Variants in NEMF observed in about 807,000 individuals in gnomAD.
The protein encoded by NEMF is nuclear export mediator factor.
In NEMF, 89 loss-of-function variants were observed where a neutral mutation model predicts 162.2. That is an observed-to-expected ratio of 0.55 (90% CI 0.46 to 0.65). The LOEUF is 0.65. NEMF is among the 30% of genes least tolerant of loss of function. The probability of loss-of-function intolerance (pLI) is 0.00; values close to 1 mark genes in which losing one functional copy is unlikely to be tolerated. For missense variants in NEMF, 1,133 were observed against 1,261.9 expected (o/e 0.90, Z 1.55); for synonymous variants, 421 against 404.5 (o/e 1.04, Z -0.49).
At chr14:49,817,596 G>GT (rs1891780793) in intron 16 of NEMF, among the ~76,000 whole-genome samples, 2 of 152,106 alleles carry the variant, frequency 1.3e-5, no homozygotes, top group South Asian at 4.1e-4. Flanking sequence ...TTAGGAAGAC[G>GT]TAACAGTTAT....
chr14:49,808,346 A>AT (rs1891318382), intron 18 of NEMF, among the ~76,000 whole-genome samples: 1 of 151,550 alleles, frequency 6.6e-6, no homozygotes, highest in Admixed American at 6.6e-5. Flanking sequence ...CTAATTTTTC[A>AT]TATTTTTTAG....
At chr14:49,819,916 G>T (rs1265987015) in intron 16 of NEMF, among the ~76,000 whole-genome samples, 1 of 151,874 alleles carries the variant, frequency 6.6e-6, no homozygotes, top group South Asian at 2.1e-4. Flanking sequence ...GATTTCAGAG[G>T]ATTAGAATGC....
At chr14:49,851,532 TAA>T (rs757448000) in intron 3 of NEMF, 29 bp downstream of exon 3, 6 of 1,475,588 alleles carry the variant, frequency 4.1e-6, no homozygotes, top group Non-Finnish European at 5.7e-6. Context: ...AGCAATCTCT[TAA>T]AATTTAGCTT....
intron 5 of NEMF, 56 bp downstream of exon 5, chr14:49,840,662 G>T: frequency 6.8e-7 from 1 of 1,475,222 alleles, no homozygotes; most frequent in Non-Finnish European, 9.2e-7. Context: ...GTCTCATTAT[G>T]TTGCCCAGTA....
chr14:49,785,468 C>T (rs2139815007), intron 29 of NEMF, 148 bp from the exon 30 acceptor site: 1 of 617,936 alleles, frequency 1.6e-6, no homozygotes, highest in Non-Finnish European at 2.9e-6. Context: ...TTAAACTCTG[C>T]TTCATAGTTC....
chr14:49,808,415 T>C (rs1891321103), intron 18 of NEMF, among the ~76,000 whole-genome samples: 1 of 152,120 alleles, frequency 6.6e-6, no homozygotes, highest in Non-Finnish European at 1.5e-5. Flanking sequence ...CCTCAGGTGA[T>C]CCACCTGCCT....
At chr14:49,803,789 G>T (rs1486781740) in intron 19 of NEMF, among the ~76,000 whole-genome samples, 1 of 152,004 alleles carries the variant, frequency 6.6e-6, no homozygotes, top group Non-Finnish European at 1.5e-5. Context: ...CTCCCAAAGT[G>T]CTGGGATTAC....
chr14:49,833,084 G>A (rs941916827), intron 8 of NEMF, among the ~76,000 whole-genome samples: 1 of 152,054 alleles, frequency 6.6e-6, no homozygotes, highest in African/African-American at 2.4e-5. Flanking sequence ...TGGCCAACAC[G>A]GTGAAACCTC....
intron 16 of NEMF, among the ~76,000 whole-genome samples, chr14:49,815,606 A>G (rs1182965771): frequency 6.6e-6 from 1 of 152,152 alleles, no homozygotes; most frequent in Non-Finnish European, 1.5e-5. Context: ...GGACTTTACT[A>G]TTTTCTAATC....
At chr14:49,824,856 G>GA (rs1892261272) in intron 16 of NEMF, among the ~76,000 whole-genome samples, 1 of 152,110 alleles carries the variant, frequency 6.6e-6, no homozygotes, top group Admixed American at 6.5e-5. Context: ...ATGAGATCCA[G>GA]AAAAGAGTTT....
At chr14:49,815,857 G>A (rs1472757762) in intron 16 of NEMF, among the ~76,000 whole-genome samples, 3 of 152,036 alleles carry the variant, frequency 2.0e-5, no homozygotes, top group African/African-American at 4.8e-5. Context: ...TCACCTACTC[G>A]GGAGGCTAAG....
chr14:49,782,441 T>A lies in NEMF; in HGVS notation c.*2195A>T, dbSNP rs771573917. The A allele has an allele frequency of 1.2e-6, 2 of 1,612,066 alleles. No homozygotes were observed. Among genetic ancestry groups the A allele is most frequent in the Non-Finnish European group, 1.7e-6 (2 of 1,178,220 alleles). On this transcript the variant is annotated 3_prime_UTR_variant, in exon 33 of 33. Coordinates refer to ENST00000298310, the MANE Select transcript of NEMF (RefSeq NM_004713.6). ...TTTGGTGGATGTGCCAACAACTTGCTTGTCCATCACAGAGCTGTAAGTATA... is the reference window on the plus strand; with the variant it reads ...TTTGGTGGATGTGCCAACAACTTGCATGTCCATCACAGAGCTGTAAGTATA...
intron 16 of NEMF, among the ~76,000 whole-genome samples, chr14:49,821,889 A>G (rs1394762391): frequency 5.3e-5 from 8 of 152,098 alleles, no homozygotes; most frequent in Non-Finnish European, 1.2e-4. Flanking sequence ...TGGGGAAAAG[A>G]TTGAGAAATT....
At chr14:49,852,674 T>TC (rs1566719330) in intron 1 of NEMF, 21 bp downstream of exon 1, 1 of 1,614,004 alleles carries the variant, frequency 6.2e-7, no homozygotes, top group Non-Finnish European at 8.5e-7. Flanking sequence ...CACACGAGCC[T>TC]CGTCACTTAG....
At chr14:49,792,517 C>T (rs931352672) in intron 26 of NEMF, among the ~76,000 whole-genome samples, 7 of 152,108 alleles carry the variant, frequency 4.6e-5, no homozygotes, top group Non-Finnish European at 8.8e-5. Context: ...CAGCCACAAT[C>T]TCCATTTTAT....
At chr14:49,844,129 A>AAAAC (rs1893351666) in intron 4 of NEMF, among the ~76,000 whole-genome samples, 1 of 151,624 alleles carries the variant, frequency 6.6e-6, no homozygotes, top group Admixed American at 6.6e-5. Context: ...AAACAAAAAA[A>AAAAC]AAACCGCAGT....
chr14:49,831,933 C>T, intron 10 of NEMF, 118 bp downstream of exon 10: 1 of 653,608 alleles, frequency 1.5e-6, no homozygotes, highest in Admixed American at 3.4e-5. Flanking sequence ...ATCTTTAATG[C>T]CCAGATTCAC....
At chr14:49,796,720 T>C (rs767904260) in intron 25 of NEMF, among the ~76,000 whole-genome samples, 8 of 152,200 alleles carry the variant, frequency 5.3e-5, no homozygotes, top group Non-Finnish European at 8.8e-5. Context: ...CTTTAAAGGG[T>C]ATAGTCCAAA....
intron 4 of NEMF, among the ~76,000 whole-genome samples, chr14:49,844,149 T>C (rs1328806500): frequency 1.3e-5 from 2 of 151,504 alleles, no homozygotes; most frequent in African/African-American, 4.8e-5. Flanking sequence ...TCCCCAGCCT[T>C]TGGCACCAGG....
Sources: allele counts gnomAD v4.1 joint callset (sites outside exome capture counted in the v4.1 genomes callset), GRCh38; gene constraint gnomAD v4.1.1; transcripts MANE v1.5; gene names NCBI Gene and HGNC (gene_info 2026-07-23, HGNC 2026-07-21).